The following RNF32 variants were observed in gnomAD, a reference collection of about 807,000 sequenced individuals.
RNF32 encodes ring finger protein 32.
A neutral mutation model predicts 41.0 loss-of-function variants in RNF32; 36 were observed. That is an observed-to-expected ratio of 0.88 (90% CI 0.67 to 1.16). The LOEUF is 1.16. RNF32 is among the 50% of genes most tolerant of loss of function. The pLI is 0.00. For missense variants in RNF32, 413 were observed against 436.7 expected (o/e 0.95, Z 0.48); for synonymous variants, 154 against 160.9 (o/e 0.96, Z 0.32).
At position 156,669,580 on chromosome 7, in the gene RNF32, C is replaced by A. The variant is rs1008235593; in HGVS notation, c.685-6116C>A. ...TTCCAGGACCCAGACCCCTGTGAGG[C>A]CCTGAGCTGGGCGCTGAGCAGATAG... On this transcript the variant is annotated intron_variant, in intron 7 of 8. Coordinates refer to ENST00000317955, the MANE Select transcript of RNF32 (RefSeq NM_030936.4). This position sits in a 1 kb window ranked among gnomAD's most constrained non-coding sequence, Gnocchi z 4.2. Among the ~76,000 whole-genome samples the A allele has an allele frequency of 6.6e-6, 1 of 152,266 alleles. No homozygotes were observed. Among genetic ancestry groups the A allele is most frequent in the Middle Eastern group, 3.4e-3 (1 of 294 alleles).
At chr7:156,640,377 CG>C, upstream of RNF32, 2 of 439,842 alleles carry the variant, frequency 4.5e-6, no homozygotes, top group Middle Eastern at 3.8e-4. Context: ...ACAAAGCCGC[CG>C]GGGGCTGCGG....
chr7:156,657,692 C>G, intron 5 of RNF32, 119 bp downstream of exon 5: 1 of 925,170 alleles, frequency 1.1e-6, no homozygotes, highest in Non-Finnish European at 1.8e-6. Context: ...TCACCACCAT[C>G]TATAGTTAAA....
Position 156,675,684 on chromosome 7 carries a change from C to CCG in RNF32, c.685-11_685-10insGC. The CCG allele has an allele frequency of 6.3e-7, 1 of 1,599,798 alleles. No individual in the cohort carries two copies. Among genetic ancestry groups the CCG allele is most frequent in the Non-Finnish European group, 8.6e-7 (1 of 1,168,064 alleles). On this transcript the variant is annotated splice_polypyrimidine_tract_variant and intron_variant, in intron 7 of 8. Transcript: ENST00000317955. The stretch of plus-strand genomic sequence containing the variant: ...TCAGGTGTGAGCTTACCCGCCCCCG[C>CCG]CTCCTCCTCAGTTCACAGAAATCAG...
chr7:156,658,528 TC>T lies in RNF32; in HGVS notation c.645del (p.Thr216GlnfsTer5). 1 of 1,613,356 alleles carries T rather than the reference TC, an allele frequency of 6.2e-7. No homozygotes were observed. The highest frequency in any genetic ancestry group is 8.5e-7 in the Non-Finnish European group (1 of 1,179,376). On this transcript the variant is annotated frameshift_variant, in exon 7 of 9. Transcript: ENST00000317955. LOFTEE classifies it high-confidence loss of function. ...WYRNLRKTVPPTDAKLRKKFF... is the reference protein window; with the variant it reads ...WYRNLRKTVPXTDAKLRKKFF... ...ACAGAAACCTGAGGAAAACAGTACCTCCCACAGATGCCAAGTTAAGAAAAAA... is the reference window on the plus strand; with the variant it reads ...ACAGAAACCTGAGGAAAACAGTACCTCCACAGATGCCAAGTTAAGAAAAAA...
chr7:156,657,253 A>C (rs1295597402), intron 4 of RNF32, among the ~76,000 whole-genome samples: 1 of 152,124 alleles, frequency 6.6e-6, no homozygotes, highest in African/African-American at 2.4e-5. Flanking sequence ...CATCTAAGGG[A>C]AACTTTCATT....
Position 156,665,107 on chromosome 7 carries a change from T to C in RNF32, c.684+6537T>C, listed in dbSNP as rs181927149. Among the ~76,000 whole-genome samples the C allele has an allele frequency of 2.0e-5, 3 of 152,334 alleles. No individual in the cohort carries two copies. The East Asian group carries it at 5.8e-4, about 29-fold the overall frequency. On this transcript the variant is annotated intron_variant, in intron 7 of 8. Coordinates refer to ENST00000317955, the MANE Select transcript of RNF32 (RefSeq NM_030936.4). ...TGTCCTTTATATTTCCAAAAGTTCTTCAGAACTAAAAATGTGTACTAAATA... is the reference window on the plus strand; with the variant it reads ...TGTCCTTTATATTTCCAAAAGTTCTCCAGAACTAAAAATGTGTACTAAATA...
chr7:156,644,001 A>T (rs563759845), intron 2 of RNF32, 109 bp downstream of exon 2: 19 of 955,558 alleles, frequency 2.0e-5, no homozygotes, highest in Non-Finnish European at 2.8e-5. Context: ...TTGAACTAGG[A>T]ATTGTCAGCA....
chr7:156,646,967 T>C (rs1798036189), intron 3 of RNF32, among the ~76,000 whole-genome samples: 1 of 152,212 alleles, frequency 6.6e-6, no homozygotes, highest in Non-Finnish European at 1.5e-5. Context: ...TTCTCGTGCC[T>C]CAGCCTCCCA....
At position 156,654,637 on chromosome 7, in the gene RNF32, G is replaced by A; in HGVS notation, c.336G>A (p.Lys112=). ...PPPLSSDEWE[K]VKQRSLLQGD... is the part of the protein sequence containing the mutation. The stretch of plus-strand genomic sequence containing the variant: ...CACTGTCATCAGATGAATGGGAGAA[G>A]GTGAAACAGCGCTCTCTCCTGCAAG... Residue 112 remains lysine, a synonymous_variant, in exon 4 of 9, where the codon AAG becomes AAA. Transcript: ENST00000317955. 3 of 1,614,118 alleles carry A rather than the reference G, an allele frequency of 1.9e-6. No homozygotes were observed. The highest frequency in any genetic ancestry group is 2.5e-6 in the Non-Finnish European group (3 of 1,179,954).
chr7:156,657,769 A>G lies in RNF32; in HGVS notation c.450+196A>G, dbSNP rs1799948140. The G allele has an allele frequency of 4.8e-6, 3 of 629,438 alleles. No individual in the cohort carries two copies. In the East Asian group the frequency reaches 8.1e-5, roughly 17 times the overall value. 39.0% of individuals were successfully genotyped at this position (629,438 alleles called of 1,614,324 possible). ...AAAATCATGAGTTTTGTGACAAAAGAACCACAAATGTTTATGTAACAGATT... is the reference window on the plus strand; with the variant it reads ...AAAATCATGAGTTTTGTGACAAAAGGACCACAAATGTTTATGTAACAGATT... On this transcript the variant is annotated intron_variant, in intron 5 of 8. Transcript: ENST00000317955.
intron 7 of RNF32, chr7:156,659,425 G>A (rs1273823259): frequency 1.6e-5 from 16 of 985,410 alleles, no homozygotes; most frequent in East Asian, 1.1e-4. Context: ...GTAAAGGACC[G>A]CCATGCACGA....
At position 156,640,779 on chromosome 7, in the gene RNF32, T is replaced by G; in HGVS notation, c.-110T>G. 1 of 244,034 alleles carries G rather than the reference T, an allele frequency of 4.1e-6. No individual in the cohort carries two copies. The highest frequency in any genetic ancestry group is 8.2e-6 in the Non-Finnish European group (1 of 122,202). The allele number at this position is 244,034 out of a possible 1,614,324, so 15.1% of individuals were successfully genotyped here. A position where few individuals can be genotyped will look rare whatever the true frequency, so the allele number is the denominator to read the frequency against. On this transcript the variant is annotated 5_prime_UTR_variant, in exon 1 of 9. Coordinates refer to ENST00000317955, the MANE Select transcript of RNF32 (RefSeq NM_030936.4). ...TTGCCTGAGGGAAAAGGGGCAGACG[T>G]CCCTGGGTTCCGGTGTTCGCGGAGG... is the stretch of plus-strand genomic sequence containing the variant.
At chr7:156,661,468 C>T (rs1000461957) in intron 7 of RNF32, among the ~76,000 whole-genome samples, 4 of 152,066 alleles carry the variant, frequency 2.6e-5, no homozygotes, top group East Asian at 1.9e-4. Context: ...TACAGGCACC[C>T]GCCATCATGC....
chr7:156,653,146 G>T (rs1336202050), intron 3 of RNF32, among the ~76,000 whole-genome samples: 2 of 152,028 alleles, frequency 1.3e-5, no homozygotes, highest in Non-Finnish European at 2.9e-5. Flanking sequence ...CTCCATTCAT[G>T]GTGAGTGCCC....
intron 3 of RNF32, among the ~76,000 whole-genome samples, chr7:156,649,844 C>G (rs1330773835): frequency 6.6e-6 from 1 of 152,212 alleles, no homozygotes; most frequent in African/African-American, 2.4e-5. Context: ...TGACGTTTAA[C>G]CATGGATTAC....
At chr7:156,674,091 G>T (rs902915400) in intron 7 of RNF32, among the ~76,000 whole-genome samples, 2 of 152,182 alleles carry the variant, frequency 1.3e-5, no homozygotes, top group African/African-American at 2.4e-5. Context: ...TGAAGCAGAT[G>T]TAACTGCTGA....
chr7:156,666,057 C>G (rs1585077279), intron 7 of RNF32, among the ~76,000 whole-genome samples: 1 of 152,098 alleles, frequency 6.6e-6, no homozygotes, highest in African/African-American at 2.4e-5. Context: ...TGGTTTCGAT[C>G]AAAGATAAGT....
intron 1 of RNF32, among the ~76,000 whole-genome samples, chr7:156,643,238 G>A (rs140207092): frequency 7.6e-4 from 116 of 152,338 alleles, no homozygotes; most frequent in Admixed American, 1.3e-3. Context: ...GCAGCAAAGC[G>A]GTAGAGTTCA....
rs368557691 is a variant in RNF32, at chr7:156,658,130, A to G, written c.453A>G (p.Ala151=). 28 of 1,611,068 alleles carry G rather than the reference A, an allele frequency of 1.7e-5. No homozygotes were observed. The African/African-American group carries it at 3.5e-4, about 20-fold the overall frequency. Residue 151 remains alanine (A), a splice_region_variant and synonymous_variant, in exon 6 of 9, where the codon GCA becomes GCG. Transcript: ENST00000317955. ...TTAAGTGAAATGTTTTTCTTCAGGC[A>G]TGTCTTCAGGCTTTTGAAAAGTTCA... ...LLSCSHVFHK[A]CLQAFEKFTN... is the part of the protein sequence containing the mutation.
Sources: allele counts gnomAD v4.1 joint callset (sites outside exome capture counted in the v4.1 genomes callset), GRCh38; gene constraint gnomAD v4.1.1; non-coding constraint Gnocchi (gnomAD v3.1); transcripts MANE v1.5; gene names NCBI Gene and HGNC (gene_info 2026-07-23, HGNC 2026-07-21).